WASHC5: variants seen among roughly 807,000 people sequenced by gnomAD.
WASHC5 encodes WASH complex subunit 5, also known as WASH complex subunit strumpellin.
WASHC5 carries 101 observed loss-of-function variants against 150.4 expected under a neutral mutation model. The observed-to-expected ratio is 0.67, with a 90% CI of 0.57 to 0.79. WASHC5 has a LOEUF of 0.79. WASHC5 is among the 30% of genes least tolerant of loss of function. The pLI, the probability that WASHC5 is intolerant of heterozygous loss-of-function variation, is 0.00. For synonymous variants in WASHC5, 467 were observed against 491.2 expected, an observed-to-expected ratio of 0.95 and a Z score of 0.65; for missense variants, 1,195 against 1,396.3, an observed-to-expected ratio of 0.86 and a Z score of 2.30.
chr8:125,086,978 T>G (rs1158435010), intron 1 of WASHC5, among the ~76,000 whole-genome samples: 3 of 152,362 alleles, frequency 2.0e-5, no homozygotes, highest in Admixed American at 6.5e-5. Context: ...ATATAAGGGA[T>G]GAGGCTATTC....
chr8:125,050,805 T>C lies in WASHC5; in HGVS notation c.2098-140A>G, dbSNP rs896919140. On this transcript the variant is annotated intron_variant, in intron 17 of 28. Transcript: ENST00000318410. ...AAATGATTTGAATTTTTTCCTTTCCTGTCCCTGTGATCTTGCACAGCTTGG... is the reference window on the plus strand; with the variant it reads ...AAATGATTTGAATTTTTTCCTTTCCCGTCCCTGTGATCTTGCACAGCTTGG... 6 of 692,536 alleles carry C rather than the reference T, an allele frequency of 8.7e-6. No individual in the cohort carries two copies. The African/African-American group carries it at 1.1e-4, about 12-fold the overall frequency. The allele number at this position is 692,536 out of a possible 1,614,324, so 42.9% of individuals were successfully genotyped here.
intron 23 of WASHC5, 48 bp from the exon 24 acceptor site, chr8:125,039,946 G>C (rs1205272702): frequency 8.3e-7 from 1 of 1,207,918 alleles, no homozygotes. Flanking sequence ...AAGCATTTCA[G>C]AGTGACAGTG....
chr8:125,033,854 A>C (rs1429209534), intron 26 of WASHC5, among the ~76,000 whole-genome samples: 1 of 152,220 alleles, frequency 6.6e-6, no homozygotes, highest in East Asian at 1.9e-4. Flanking sequence ...GGCCTGGCAG[A>C]GATTTCTTAG....
chr8:125,044,188 G>A lies in WASHC5; in HGVS notation c.2668-94C>T, dbSNP rs139806140. The A allele has an allele frequency of 3.6e-3, 3,166 of 868,538 alleles. 14 individuals carry two copies. Among genetic ancestry groups the A allele is most frequent in the Admixed American group, 7.3e-3 (371 of 50,712 alleles). 53.8% of individuals were successfully genotyped at this position (868,538 alleles called of 1,614,324 possible). ...TAAAATGCTATGCAGAACAGAGGCT[G>A]GGCCTAAGTCACACAAAACCTCTAA... On this transcript the variant is annotated intron_variant, in intron 21 of 28. Transcript: ENST00000318410.
In WASHC5 at chr8:125,078,845, T is replaced by C. The variant is rs1200736628; in HGVS notation, c.604A>G (p.Lys202Glu). ...CTCTCGGGATAGTTGGATGGTCTTT[T>C]GGCACCTGGTTGGCTAGAATAACCT... The part of the protein sequence containing the change: ...STGYSSQPGA[K>E]RPSNYPESYF... Residue 202 changes from lysine (K) to glutamate (E), a missense_variant, in exon 6 of 29, where the codon AAA becomes GAA. Physicochemically the swap from Lys to Glu is moderately conservative, Grantham distance 56. Coordinates refer to ENST00000318410, the MANE Select transcript of WASHC5 (RefSeq NM_014846.4). The C allele has an allele frequency of 6.2e-7, 1 of 1,614,036 alleles. No homozygotes were observed. The highest frequency in any genetic ancestry group is 1.1e-5 in the South Asian group (1 of 91,074).
In WASHC5 at chr8:125,082,467, T is replaced by G. The variant is rs527799541; in HGVS notation, c.333A>C (p.Arg111Ser). The G allele has an allele frequency of 6.0e-6, 9 of 1,509,884 alleles. 1 individual carries two copies. The East Asian group carries it at 1.8e-4, about 30-fold the overall frequency. The allele number at this position is 1,509,884 out of a possible 1,614,324, so 93.5% of individuals were successfully genotyped here. Residue 111 changes from arginine (R) to serine (S), a missense_variant and splice_region_variant, in exon 4 of 29, where the codon AGA (arginine) becomes AGC (serine). Transcript: ENST00000318410. The part of the protein sequence containing the change: ...SVHKYIVDLN[R>S]YLDDLNEGVY... The stretch of plus-strand genomic sequence containing the variant: ...CCCCTTCATTGAGATCATCTAGATA[T>G]CTAGAAATAAAACCACAGTGCAAGT...
chr8:125,051,488 GA>G (rs1334237236), intron 17 of WASHC5, among the ~76,000 whole-genome samples: 1 of 152,184 alleles, frequency 6.6e-6, no homozygotes, highest in Non-Finnish European at 1.5e-5. Context: ...AAAAGCCAGA[GA>G]AACACATTAA....
intron 20 of WASHC5, among the ~76,000 whole-genome samples, chr8:125,046,854 C>T (rs1038312149): frequency 6.6e-6 from 1 of 152,182 alleles, no homozygotes; most frequent in East Asian, 1.9e-4. Flanking sequence ...AAAGTTCACG[C>T]TCCTATGAGA....
rs892844702 is a variant in WASHC5, at chr8:125,091,788, G to C, written c.-298C>G. The C allele has an allele frequency of 3.3e-5, 5 of 152,404 alleles. No homozygotes were observed. Among genetic ancestry groups the C allele is most frequent in the African/African-American group, 1.2e-4 (5 of 41,482 alleles). 9.4% of individuals were successfully genotyped at this position (152,404 alleles called of 1,614,324 possible). Reference sequence around the variant, plus strand: ...TGACTCCCCAGGCGGTCACATGACCGAAGCGGCTGGGAGCAGGGAGGGGCA... The same window carrying C: ...TGACTCCCCAGGCGGTCACATGACCCAAGCGGCTGGGAGCAGGGAGGGGCA... On this transcript the variant is annotated 5_prime_UTR_variant, in exon 1 of 29. Transcript: ENST00000318410.
At chr8:125,025,833 G>GACACAC (rs34050035) in intron 28 of WASHC5, among the ~76,000 whole-genome samples, 190 of 148,132 alleles carry the variant, frequency 1.3e-3, no homozygotes, top group African/African-American at 3.7e-3. Flanking sequence ...TATGCAGACA[G>GACACAC]ACACACACAC....
intron 27 of WASHC5, among the ~76,000 whole-genome samples, chr8:125,030,123 G>A (rs1387959146): frequency 6.6e-6 from 1 of 152,200 alleles, no homozygotes; most frequent in Non-Finnish European, 1.5e-5. Flanking sequence ...ACTGCCATTA[G>A]TGAAAAAGAA....
chr8:125,047,612 A>G (rs1816109100), intron 19 of WASHC5, among the ~76,000 whole-genome samples: 1 of 151,884 alleles, frequency 6.6e-6, no homozygotes. Context: ...TAATTTTTGT[A>G]TTTTTAGTAG....
intron 6 of WASHC5, 49 bp from the exon 7 acceptor site, chr8:125,076,549 C>A (rs938923248): frequency 6.2e-6 from 10 of 1,603,318 alleles, no homozygotes; most frequent in Non-Finnish European, 6.0e-6. Flanking sequence ...AACATTTGCA[C>A]GTAGACATGC....
chr8:125,048,425 C>A (rs921920961), intron 19 of WASHC5, among the ~76,000 whole-genome samples: 2 of 152,154 alleles, frequency 1.3e-5, no homozygotes, highest in Non-Finnish European at 2.9e-5. Context: ...AGAAGACATA[C>A]AAATGGCCAA....
chr8:125,066,467 A>G (rs938236469), intron 10 of WASHC5, among the ~76,000 whole-genome samples: 1 of 152,178 alleles, frequency 6.6e-6, no homozygotes, highest in African/African-American at 2.4e-5. Context: ...ATAAAACCTG[A>G]GCATTCCCAG....
chr8:125,038,161 T>G (rs1815772602), intron 25 of WASHC5, among the ~76,000 whole-genome samples: 1 of 152,342 alleles, frequency 6.6e-6, no homozygotes, highest in African/African-American at 2.4e-5. Context: ...GTTTATAATC[T>G]TTTATCCAAA....
At chr8:125,041,148 A>T (rs1386832913) in intron 23 of WASHC5, among the ~76,000 whole-genome samples, 1 of 152,176 alleles carries the variant, frequency 6.6e-6, no homozygotes, top group African/African-American at 2.4e-5. Flanking sequence ...TTGCCCTCAT[A>T]ATGTTGTCTG....
At chr8:125,050,456 C>T (rs529866413) in intron 18 of WASHC5, 108 bp downstream of exon 18, 17 of 697,606 alleles carry the variant, frequency 2.4e-5, no homozygotes, top group Middle Eastern at 3.7e-4. Context: ...ATTTGATATA[C>T]GTTAGCTAGG....
intron 28 of WASHC5, among the ~76,000 whole-genome samples, chr8:125,028,211 C>T (rs1815424656): frequency 6.6e-6 from 1 of 152,218 alleles, no homozygotes; most frequent in African/African-American, 2.4e-5. Flanking sequence ...GGAAACAGTG[C>T]TCATATATAC....
Sources: allele counts gnomAD v4.1 joint callset (sites outside exome capture counted in the v4.1 genomes callset), GRCh38; gene constraint gnomAD v4.1.1; transcripts MANE v1.5; gene names NCBI Gene and HGNC (gene_info 2026-07-23, HGNC 2026-07-21).